The following LRP6 variants were observed in gnomAD, a reference collection of about 807,000 sequenced individuals.
The protein encoded by LRP6 is LDL receptor related protein 6.
A neutral mutation model predicts 184.1 loss-of-function variants in LRP6; 43 were observed. The observed-to-expected ratio is 0.23, with a 90% CI of 0.18 to 0.30. The LOEUF is 0.30. Ranked by LOEUF, LRP6 falls within the 10% of genes least tolerant of loss-of-function variation. The pLI is 1.00. For synonymous variants in LRP6, 719 were observed against 684.9 expected, an observed-to-expected ratio of 1.05 and a Z score of -0.78; for missense variants, 1,571 against 2,005.3, an observed-to-expected ratio of 0.78 and a Z score of 4.14.
At chr12:12,168,969 C>T (rs1404759292) in intron 7 of LRP6, among the ~76,000 whole-genome samples, 1 of 152,084 alleles carries the variant, frequency 6.6e-6, no homozygotes, top group Non-Finnish European at 1.5e-5. Flanking sequence ...TGGTTCACAC[C>T]TGTAATCCCA....
At chr12:12,158,799 T>G (rs761381197) in intron 12 of LRP6, 30 bp downstream of exon 12, 1 of 1,605,586 alleles carries the variant, frequency 6.2e-7, no homozygotes, top group Admixed American at 1.7e-5. Context: ...TCTCTCATTC[T>G]AGCTTGCTTT....
chr12:12,176,784 A>C (rs1006349486), intron 7 of LRP6, among the ~76,000 whole-genome samples: 5 of 152,000 alleles, frequency 3.3e-5, no homozygotes, highest in African/African-American at 1.2e-4. Context: ...AATTTACCAA[A>C]TAATTATCTT....
At chr12:12,232,111 C>T (rs1239905263) in intron 2 of LRP6, among the ~76,000 whole-genome samples, 6 of 151,964 alleles carry the variant, frequency 3.9e-5, no homozygotes, top group African/African-American at 1.2e-4. Flanking sequence ...CGGCTGGGCA[C>T]GGTGGCTCAC....
At position 12,193,961 on chromosome 12, in the gene LRP6, C is replaced by A. The variant is rs547158818; in HGVS notation, c.648-6842G>T. On this transcript the variant is annotated intron_variant, in intron 3 of 22. Coordinates refer to ENST00000261349, the MANE Select transcript of LRP6 (RefSeq NM_002336.3). ...AATCCTCAACAGAATATTAGCAAAC[C>A]AAATCTAACAACATTTCAAAAGAAG... Among the ~76,000 whole-genome samples the A allele has an allele frequency of 6.6e-5, 10 of 152,066 alleles. No individual in the cohort carries two copies. The South Asian group carries it at 1.2e-3, about 19-fold the overall frequency.
Position 12,203,441 on chromosome 12 carries a change from T to TTG in LRP6, c.450-42_450-41insCA, listed in dbSNP as rs755646421. 1.8e-5 allele frequency: 26 copies of TTG among 1,483,916 alleles called. No individual in the cohort carries two copies. In the South Asian group the frequency reaches 2.8e-4, roughly 16 times the overall value. 91.9% of individuals were successfully genotyped at this position (1,483,916 alleles called of 1,614,324 possible). On this transcript the variant is annotated intron_variant, in intron 2 of 22. Transcript: ENST00000261349. ...ATAATTAAAGCCATGACAGAGCAGATATCAATCAAATACTCTGTAATTATT... is the reference window on the plus strand; with the variant it reads ...ATAATTAAAGCCATGACAGAGCAGATTGATCAATCAAATACTCTGTAATTATT...
chr12:12,164,955 A>AAAAAAAAAAAAAT, intron 8 of LRP6, 124 bp downstream of exon 8: 2 of 528,566 alleles, frequency 3.8e-6, no homozygotes, highest in Non-Finnish European at 6.6e-6. Context: ...AAAAAAAAAA[A>AAAAAAAAAAAAAT]GGCGGGGGGG....
chr12:12,145,257 TA>T (rs1949987509), intron 15 of LRP6, among the ~76,000 whole-genome samples: 1 of 150,874 alleles, frequency 6.6e-6, no homozygotes, highest in Non-Finnish European at 1.5e-5. Flanking sequence ...TATACATGCG[TA>T]AGTGTGTGCC....
At position 12,117,220 on chromosome 12, in the gene LRP6, G is replaced by C. The variant is rs1378967021; in HGVS notation, c.*3906C>G. On this transcript the variant is annotated 3_prime_UTR_variant, in exon 23 of 23. Transcript: ENST00000261349. ...TAAATTCCTTGGGTTTAAGAATTCT[G>C]ATAATGTTTTAAACAACACCTGACT... The C allele has an allele frequency of 6.6e-6, 1 of 152,158 alleles. No individual in the cohort carries two copies. Among genetic ancestry groups the C allele is most frequent in the Non-Finnish European group, 1.5e-5 (1 of 68,024 alleles). The allele number at this position is 152,158 out of a possible 1,614,324, so 9.4% of individuals were successfully genotyped here.
At chr12:12,224,125 A>G (rs1210260095) in intron 2 of LRP6, among the ~76,000 whole-genome samples, 1 of 152,168 alleles carries the variant, frequency 6.6e-6, no homozygotes, top group Non-Finnish European at 1.5e-5. Flanking sequence ...CTCTAATACA[A>G]TTAGATTCTT....
intron 3 of LRP6, among the ~76,000 whole-genome samples, chr12:12,196,733 TC>T (rs1412393964): frequency 6.6e-6 from 1 of 152,182 alleles, no homozygotes. Flanking sequence ...TGTTTCTCTG[TC>T]CTCTGTATTT....
chr12:12,164,949 AAAAAAAGGC>A, intron 8 of LRP6, 121 bp downstream of exon 8: 1 of 488,538 alleles, frequency 2.0e-6, no homozygotes, highest in Non-Finnish European at 3.4e-6. Flanking sequence ...AAAAAAAAAA[AAAAAAAGGC>A]GGGGGGGCAG....
rs544400888 is a variant in LRP6 at position 12,193,372 on chromosome 12, T to TA, written c.648-6254dup. 7.0e-3 allele frequency among the ~76,000 whole-genome samples: 924 copies of TA among 132,940 alleles called. 4 individuals carry two copies. The highest frequency in any genetic ancestry group is 0.019 in the African/African-American group (694 of 36,500). 87.2% of individuals were successfully genotyped at this position (132,940 alleles called of 152,430 possible). On this transcript the variant is annotated intron_variant, in intron 3 of 22. Transcript: ENST00000261349. ...AGGAAGAAAATAAAAACATTAGGGT[T>TA]AAAAAAAAAAAAGGCAATGAAACAG...
At chr12:12,254,544 T>G (rs1481051982) in intron 1 of LRP6, among the ~76,000 whole-genome samples, 1 of 152,200 alleles carries the variant, frequency 6.6e-6, no homozygotes, top group East Asian at 1.9e-4. Flanking sequence ...GTCTTACTCC[T>G]CCAGAATTCA....
intron 1 of LRP6, among the ~76,000 whole-genome samples, chr12:12,261,145 G>C (rs1044587073): frequency 1.3e-5 from 2 of 152,174 alleles, no homozygotes; most frequent in Non-Finnish European, 2.9e-5. Context: ...TCATGGCCGG[G>C]CGCGGTGGCT....
chr12:12,218,820 C>A (rs1245452429), intron 2 of LRP6, among the ~76,000 whole-genome samples: 1 of 151,976 alleles, frequency 6.6e-6, no homozygotes, highest in East Asian at 1.9e-4. Context: ...CAGAGCAATA[C>A]CCCCATCTCT....
intron 7 of LRP6, among the ~76,000 whole-genome samples, chr12:12,171,295 T>C (rs1863032686): frequency 6.6e-6 from 1 of 151,982 alleles, no homozygotes; most frequent in Non-Finnish European, 1.5e-5. Flanking sequence ...GGAGGGCGGA[T>C]CACCAGGTCA....
At position 12,165,311 on chromosome 12, in the gene LRP6, CA is replaced by C. The variant is rs777014002; in HGVS notation, c.1546-17del. 6.4e-7 allele frequency: 1 copy of C among 1,553,624 alleles called. No individual in the cohort carries two copies. The highest frequency in any genetic ancestry group is 1.4e-5 in the African/African-American group (1 of 73,930). On this transcript the variant is annotated splice_polypyrimidine_tract_variant and intron_variant, in intron 7 of 22. Transcript: ENST00000261349. ...TATTCATAACCTTCAGGTTTAAATT[CA>C]AAAGAGAAGGGGATGAATTATGCAT...
At chr12:12,217,586 ACT>A (rs1470926872) in intron 2 of LRP6, among the ~76,000 whole-genome samples, 1 of 152,070 alleles carries the variant, frequency 6.6e-6, no homozygotes. Context: ...TTTACGAGAC[ACT>A]CTTAGCTTTA....
intron 12 of LRP6, among the ~76,000 whole-genome samples, chr12:12,154,845 C>T (rs1950129178): frequency 6.6e-6 from 1 of 152,170 alleles, no homozygotes; most frequent in African/African-American, 2.4e-5. Context: ...ACATATCATA[C>T]TAAATGTTAT....
Sources: gnomAD v4.1 joint callset for allele counts (sites outside exome capture counted in the v4.1 genomes callset) on GRCh38, gnomAD v4.1.1 for gene constraint, MANE v1.5 for transcripts, NCBI Gene and HGNC (gene_info 2026-07-23, HGNC 2026-07-21) for gene names.